The following GRIK4 variants were observed in gnomAD, a reference collection of about 807,000 sequenced individuals.
The protein encoded by GRIK4 is glutamate ionotropic receptor kainate type subunit 4, also known as glutamate receptor ionotropic, kainate 4.
Under a neutral mutation model 104.9 loss-of-function variants are expected in GRIK4, and 40 were observed. The observed-to-expected ratio is 0.38, with a 90% CI of 0.30 to 0.50. The LOEUF (loss-of-function observed/expected upper bound fraction) is 0.50. GRIK4 is among the 20% of genes least tolerant of loss of function. GRIK4 has a pLI of 0.93. For missense variants in GRIK4, 1,047 were observed against 1,308.1 expected, an observed-to-expected ratio of 0.80 and a Z score of 3.08; for synonymous variants, 485 against 524.9, an observed-to-expected ratio of 0.92 and a Z score of 1.04.
intron 1 of GRIK4, among the ~76,000 whole-genome samples, chr11:120,575,095 C>T (rs1246300371): frequency 1.3e-5 from 2 of 152,224 alleles, no homozygotes; most frequent in Non-Finnish European, 2.9e-5. Flanking sequence ...GCTCATCAGG[C>T]TTCTCAGCTC....
chr11:120,911,255 T>G (rs78423958), intron 13 of GRIK4, among the ~76,000 whole-genome samples: 2 of 150,834 alleles, frequency 1.3e-5, no homozygotes, highest in Non-Finnish European at 3.0e-5. Context: ...TTTTTTTTTT[T>G]TGAGACGGAG....
At chr11:120,787,932 G>T (rs1308388769) in intron 3 of GRIK4, among the ~76,000 whole-genome samples, 2 of 128,588 alleles carry the variant, frequency 1.6e-5, no homozygotes, top group Non-Finnish European at 3.1e-5. Context: ...GCATGATCTC[G>T]GCTCACAGCA....
chr11:120,528,102 C>T (rs1277624942), intron 1 of GRIK4, among the ~76,000 whole-genome samples: 3 of 152,200 alleles, frequency 2.0e-5, no homozygotes, highest in Admixed American at 2.0e-4. Context: ...TAGCTGGGAC[C>T]ACAGGCATGG....
At position 120,857,740 on chromosome 11, in the gene GRIK4, A is replaced by G. The variant is rs1369609555; in HGVS notation, c.745-4219A>G. 5.3e-5 allele frequency among the ~76,000 whole-genome samples: 8 copies of G among 152,328 alleles called. No individual in the cohort carries two copies. In the East Asian group the frequency reaches 1.5e-3, roughly 29 times the overall value. ...ACCCCAAGGCATTAAGATGTCTTCA[A>G]TCAACTGTCCTCAAAACAGCGTTGA... On this transcript the variant is annotated intron_variant, in intron 8 of 20. Coordinates refer to ENST00000527524, the MANE Select transcript of GRIK4 (RefSeq NM_014619.5).
At chr11:120,654,648 C>T (rs1949674433) in intron 2 of GRIK4, among the ~76,000 whole-genome samples, 1 of 152,188 alleles carries the variant, frequency 6.6e-6, no homozygotes, top group Admixed American at 6.5e-5. Context: ...CAGGTGTTAG[C>T]CACCACACCT....
At chr11:120,832,318 G>A (rs1953452339) in intron 7 of GRIK4, among the ~76,000 whole-genome samples, 1 of 152,148 alleles carries the variant, frequency 6.6e-6, no homozygotes, top group Non-Finnish European at 1.5e-5. Context: ...AGAGGTCTGC[G>A]GGTTCCTAGG....
chr11:120,738,242 A>G (rs890278944), intron 3 of GRIK4, among the ~76,000 whole-genome samples: 1 of 152,240 alleles, frequency 6.6e-6, no homozygotes, highest in African/African-American at 2.4e-5. Context: ...GAGTGAGCAT[A>G]GATTACCCAT....
At chr11:120,843,405 G>A (rs1027221999) in intron 8 of GRIK4, among the ~76,000 whole-genome samples, 13 of 152,272 alleles carry the variant, frequency 8.5e-5, no homozygotes, top group Non-Finnish European at 1.9e-4. Flanking sequence ...CAGGGAGAAG[G>A]AGTACATCAG....
At chr11:120,706,175 G>A (rs1048761031) in intron 3 of GRIK4, among the ~76,000 whole-genome samples, 1 of 152,194 alleles carries the variant, frequency 6.6e-6, no homozygotes, top group Non-Finnish European at 1.5e-5. Context: ...GGTCTGTCCT[G>A]AAGTCCATGG....
chr11:120,874,118 A>C lies in GRIK4; in HGVS notation c.959A>C (p.Gln320Pro). Reference sequence around the variant, plus strand: ...GTCTATGCTGTGGTGACTGCGGTGCAGGAACTGAACCGGAGCCAAGAGATC... The same window carrying C: ...GTCTATGCTGTGGTGACTGCGGTGCCGGAACTGAACCGGAGCCAAGAGATC... ...DAVYAVVTAV[Q>P]ELNRSQEIGV... Residue 320 changes from glutamine (Q) to proline (P), a missense_variant, in exon 10 of 21, where the codon CAG (glutamine) becomes CCG (proline). By Grantham distance (76) the Gln-to-Pro change is moderately conservative. Transcript: ENST00000527524. 1 of 1,613,926 alleles carries C rather than the reference A, an allele frequency of 6.2e-7. No individual in the cohort carries two copies. The highest frequency in any genetic ancestry group is 8.5e-7 in the Non-Finnish European group (1 of 1,179,904).
intron 20 of GRIK4, among the ~76,000 whole-genome samples, chr11:120,984,672 G>C (rs1204028398): frequency 6.6e-6 from 1 of 151,918 alleles, no homozygotes; most frequent in African/African-American, 2.4e-5. Flanking sequence ...GAGAGGCTGA[G>C]GCAGAAGAAT....
intron 1 of GRIK4, among the ~76,000 whole-genome samples, chr11:120,533,055 G>C (rs1247391205): frequency 6.6e-6 from 1 of 152,174 alleles, no homozygotes; most frequent in Non-Finnish European, 1.5e-5. Context: ...CAATGTAGGG[G>C]GGCGCAGAGA....
intron 3 of GRIK4, among the ~76,000 whole-genome samples, chr11:120,779,301 C>G (rs2135469977): frequency 6.6e-6 from 1 of 152,168 alleles, no homozygotes; most frequent in Non-Finnish European, 1.5e-5. Context: ...CCTGAGAGGC[C>G]AAGCAGAGTG....
At chr11:120,597,294 C>T (rs1948816167) in intron 1 of GRIK4, among the ~76,000 whole-genome samples, 3 of 152,252 alleles carry the variant, frequency 2.0e-5, no homozygotes, top group Admixed American at 1.3e-4. Context: ...TGCCTTCCCA[C>T]CATGATGAGG....
Position 120,987,786 on chromosome 11 carries a change from C to T in GRIK4, c.*1526C>T, listed in dbSNP as rs890827709. ...ATGGGAGGGGCGAGGCTTTCTACAG[C>T]TGCTTGACCTTTGCTTGGCTTCACT... On this transcript the variant is annotated 3_prime_UTR_variant, in exon 21 of 21. Coordinates refer to ENST00000527524, the MANE Select transcript of GRIK4 (RefSeq NM_014619.5). 4.6e-5 allele frequency: 7 copies of T among 152,260 alleles called. No homozygotes were observed. Among genetic ancestry groups the T allele is most frequent in the African/African-American group, 1.7e-4 (7 of 41,444 alleles). 9.4% of individuals were successfully genotyped at this position (152,260 alleles called of 1,614,324 possible). A position where few individuals can be genotyped will look rare whatever the true frequency, so the allele number is the denominator to read the frequency against.
chr11:120,954,116 G>A (rs1346093127), intron 15 of GRIK4, among the ~76,000 whole-genome samples: 2 of 152,066 alleles, frequency 1.3e-5, no homozygotes, highest in Non-Finnish European at 2.9e-5. Flanking sequence ...CGCATGGTAA[G>A]CCCTAGGGAA....
At chr11:120,591,482 C>T (rs1948732267) in intron 1 of GRIK4, among the ~76,000 whole-genome samples, 1 of 152,120 alleles carries the variant, frequency 6.6e-6, no homozygotes, top group Non-Finnish European at 1.5e-5. Flanking sequence ...GGTGTCTTCC[C>T]ACTAGCCATA....
At chr11:120,917,247 CAAAAAAAA>C (rs199620498) in intron 13 of GRIK4, among the ~76,000 whole-genome samples, 3 of 34,796 alleles carry the variant, frequency 8.6e-5, no homozygotes, top group Admixed American at 7.5e-4. Flanking sequence ...AACTCCGTCT[CAAAAAAAA>C]AAAAAAAAAA....
chr11:120,734,980 A>G (rs1481022653), intron 3 of GRIK4, among the ~76,000 whole-genome samples: 1 of 152,056 alleles, frequency 6.6e-6, no homozygotes, highest in Non-Finnish European at 1.5e-5. Flanking sequence ...CCTTTTCTCT[A>G]TTATCTTGAA....
Sources: gnomAD v4.1 joint callset for allele counts (sites outside exome capture counted in the v4.1 genomes callset) on GRCh38, gnomAD v4.1.1 for gene constraint, MANE v1.5 for transcripts, NCBI Gene and HGNC (gene_info 2026-07-23, HGNC 2026-07-21) for gene names.